The following CMIP variants were observed in gnomAD, a reference collection of about 807,000 sequenced individuals.
CMIP encodes C-Maf-inducing protein.
CMIP carries 13 observed loss-of-function variants against 97.3 expected under a neutral mutation model. That is an observed-to-expected ratio of 0.13 (90% CI 0.09 to 0.21). CMIP has a LOEUF of 0.21. Ranked by LOEUF, CMIP falls within the 10% of genes least tolerant of loss-of-function variation. The pLI is 1.00. For missense variants in CMIP, 847 were observed against 1,024.9 expected (o/e 0.83, Z 2.37); for synonymous variants, 538 against 436.3 (o/e 1.23, Z -2.91).
intron 1 of CMIP, among the ~76,000 whole-genome samples, chr16:81,475,409 G>A (rs143070448): frequency 2.0e-5 from 3 of 152,030 alleles, no homozygotes; most frequent in Non-Finnish European, 4.4e-5. Flanking sequence ...TCTCTGCCCC[G>A]ACTTTGATGT....
At chr16:81,626,899 T>TG (rs1361452034) in intron 3 of CMIP, among the ~76,000 whole-genome samples, 1 of 146,856 alleles carries the variant, frequency 6.8e-6, no homozygotes, top group Non-Finnish European at 1.5e-5. Context: ...GTGTGGCCTG[T>TG]GGGGTGACTA....
chr16:81,548,499 C>T (rs1259160513), intron 1 of CMIP, among the ~76,000 whole-genome samples: 1 of 152,038 alleles, frequency 6.6e-6, no homozygotes, highest in Non-Finnish European at 1.5e-5. Context: ...CCCTGGCCTC[C>T]ACTCACTAGA....
At chr16:81,532,599 C>T (rs1015980415) in intron 1 of CMIP, among the ~76,000 whole-genome samples, 4 of 152,198 alleles carry the variant, frequency 2.6e-5, no homozygotes, top group African/African-American at 7.2e-5. Context: ...TCGGGAGAAC[C>T]TTTCCCAGGT....
At chr16:81,534,044 G>A (rs1284602339) in intron 1 of CMIP, 1 of 152,242 alleles carries the variant, frequency 6.6e-6, no homozygotes, top group Non-Finnish European at 1.5e-5. Flanking sequence ...GAGAGCTACT[G>A]CTCACGGCTA....
chr16:81,568,249 C>T (rs1456946374), intron 1 of CMIP, among the ~76,000 whole-genome samples: 2 of 152,042 alleles, frequency 1.3e-5, no homozygotes, highest in Non-Finnish European at 2.9e-5. Context: ...CCTCTGGCCT[C>T]ACCCTTGGCT....
At chr16:81,580,870 C>G (rs2091285085) in intron 1 of CMIP, among the ~76,000 whole-genome samples, 1 of 152,176 alleles carries the variant, frequency 6.6e-6, no homozygotes, top group African/African-American at 2.4e-5. Flanking sequence ...CCACTTCTAT[C>G]TAATTCCGAA....
At chr16:81,553,009 C>T (rs562394930) in intron 1 of CMIP, among the ~76,000 whole-genome samples, 20 of 152,314 alleles carry the variant, frequency 1.3e-4, no homozygotes, top group African/African-American at 4.3e-4. Flanking sequence ...CCTCTAAAGA[C>T]GTGACTTGTC....
At chr16:81,458,157 G>A (rs1443685194) in intron 1 of CMIP, among the ~76,000 whole-genome samples, 30 of 152,194 alleles carry the variant, frequency 2.0e-4, no homozygotes, top group Admixed American at 2.0e-3. Flanking sequence ...GAAGTGGGGA[G>A]GAGAGGGGAT....
At chr16:81,532,757 A>G (rs2090264023) in intron 1 of CMIP, among the ~76,000 whole-genome samples, 1 of 152,174 alleles carries the variant, frequency 6.6e-6, no homozygotes, top group African/African-American at 2.4e-5. Flanking sequence ...CCTGGGATGC[A>G]GCTCTGTGCC....
At chr16:81,584,754 T>C (rs914552489) in intron 1 of CMIP, among the ~76,000 whole-genome samples, 2 of 152,210 alleles carry the variant, frequency 1.3e-5, no homozygotes, top group African/African-American at 4.8e-5. Flanking sequence ...TGTTCTTGAA[T>C]TGGCCTCTGG....
chr16:81,702,915 A>T (rs1907581339), intron 17 of CMIP, among the ~76,000 whole-genome samples: 1 of 152,210 alleles, frequency 6.6e-6, no homozygotes, highest in Admixed American at 6.5e-5. Flanking sequence ...ATATCTAGTT[A>T]TTAATAGTAC....
chr16:81,585,971 C>T lies in CMIP; in HGVS notation c.301-21596C>T, dbSNP rs192083554. ...CTCCTGGAGCATGGTGCCCAGGGCG[C>T]TGCCGGGGAAGGCCTGTTAGTGAAC... On this transcript the variant is annotated intron_variant, in intron 1 of 20. Coordinates refer to ENST00000537098, the MANE Select transcript of CMIP (RefSeq NM_198390.3). 5.3e-5 allele frequency among the ~76,000 whole-genome samples: 8 copies of T among 152,314 alleles called. No individual in the cohort carries two copies. The East Asian group carries it at 1.5e-3, about 29-fold the overall frequency.
chr16:81,702,537 C>G, intron 16 of CMIP, 85 bp from the exon 17 acceptor site: 1 of 1,325,940 alleles, frequency 7.5e-7, no homozygotes, highest in Non-Finnish European at 1.1e-6. Flanking sequence ...AACGATGGCT[C>G]CATGAGTGTT....
intron 2 of CMIP, among the ~76,000 whole-genome samples, chr16:81,615,761 CTT>C (rs1198642620): frequency 6.6e-6 from 1 of 151,502 alleles, no homozygotes; most frequent in African/African-American, 2.4e-5. Flanking sequence ...GTGTATGTGT[CTT>C]TGTGTGTGTG....
At chr16:81,684,476 G>A (rs907231191) in intron 10 of CMIP, among the ~76,000 whole-genome samples, 7 of 152,222 alleles carry the variant, frequency 4.6e-5, no homozygotes, top group Non-Finnish European at 4.4e-5. Flanking sequence ...GGCAGGAAGC[G>A]TCCTGTCCAC....
intron 3 of CMIP, among the ~76,000 whole-genome samples, chr16:81,632,677 A>G (rs1333411494): frequency 6.6e-6 from 1 of 152,122 alleles, no homozygotes; most frequent in East Asian, 1.9e-4. Context: ...GCCCCCCAAC[A>G]CGGAAGCCTG....
At chr16:81,601,709 G>A (rs1285012416) in intron 1 of CMIP, among the ~76,000 whole-genome samples, 2 of 152,062 alleles carry the variant, frequency 1.3e-5, no homozygotes, top group Non-Finnish European at 2.9e-5. Flanking sequence ...AGAGTTCACC[G>A]ACCCATTCTC....
At chr16:81,481,038 GCTGTGCACACCT>G (rs982078970) in intron 1 of CMIP, among the ~76,000 whole-genome samples, 1 of 152,230 alleles carries the variant, frequency 6.6e-6, no homozygotes. Flanking sequence ...AGCTGGAGAA[GCTGTGCACACCT>G]CAGGGCTTTG....
intron 1 of CMIP, among the ~76,000 whole-genome samples, chr16:81,515,843 T>C (rs2089902566): frequency 1.3e-5 from 2 of 152,064 alleles, no homozygotes; most frequent in African/African-American, 4.8e-5. Context: ...TGCTAGGAGG[T>C]TGGAAGGCAA....
Sources: gnomAD v4.1 joint callset for allele counts (sites outside exome capture counted in the v4.1 genomes callset) on GRCh38, gnomAD v4.1.1 for gene constraint, MANE v1.5 for transcripts, NCBI Gene and HGNC (gene_info 2026-07-23, HGNC 2026-07-21) for gene names.